The following KIF2A variants were observed in gnomAD, a reference collection of about 807,000 sequenced individuals.
KIF2A encodes the protein kinesin family member 2A, also known as kinesin-like protein KIF2A.
In KIF2A, 22 loss-of-function variants were observed where a neutral mutation model predicts 100.2. The observed-to-expected ratio is 0.22, with a 90% CI of 0.16 to 0.31. The LOEUF (loss-of-function observed/expected upper bound fraction) is 0.31. KIF2A is among the 10% of genes least tolerant of loss of function. The pLI, the probability that KIF2A is intolerant of heterozygous loss-of-function variation, is 1.00. For missense variants in KIF2A, 495 were observed against 898.7 expected (o/e 0.55, Z 5.74); for synonymous variants, 268 against 285.9 (o/e 0.94, Z 0.63).
At chr5:62,362,417 A>T in intron 11 of KIF2A, 33 bp from the exon 12 acceptor site, 1 of 1,039,404 alleles carries the variant, frequency 9.6e-7, no homozygotes, top group Non-Finnish European at 1.3e-6. Flanking sequence ...TATTTGTTGG[A>T]TCTCAATTTT....
At chr5:62,364,012 T>C (rs1740934861) in intron 14 of KIF2A, 113 bp downstream of exon 14, 1 of 789,166 alleles carries the variant, frequency 1.3e-6, no homozygotes, top group Admixed American at 2.8e-5. Context: ...GTTTTCAAAA[T>C]TCAGATGCTT....
intron 1 of KIF2A, among the ~76,000 whole-genome samples, chr5:62,315,552 A>G (rs574733316): frequency 6.6e-6 from 1 of 152,362 alleles, no homozygotes; most frequent in South Asian, 2.1e-4. Context: ...CATTCTAGCC[A>G]TGTAGGCAGC....
intron 3 of KIF2A, among the ~76,000 whole-genome samples, chr5:62,348,870 G>A (rs989719948): frequency 2.0e-5 from 3 of 152,038 alleles, no homozygotes; most frequent in African/African-American, 7.2e-5. Context: ...TTTTTACATT[G>A]TGCCAAATAC....
intron 1 of KIF2A, among the ~76,000 whole-genome samples, chr5:62,314,526 G>A (rs1745710537): frequency 6.6e-6 from 1 of 152,126 alleles, no homozygotes; most frequent in Non-Finnish European, 1.5e-5. Context: ...GCAGCTACTG[G>A]TGGTTATGTG....
chr5:62,362,535 TG>T lies in KIF2A; in HGVS notation c.1115del (p.Gly372GlufsTer7). The T allele has an allele frequency of 7.1e-7, 1 of 1,402,014 alleles. No individual in the cohort carries two copies. Among genetic ancestry groups the T allele is most frequent in the South Asian group, 1.7e-5 (1 of 58,804 alleles). 86.8% of individuals were successfully genotyped at this position (1,402,014 alleles called of 1,614,324 possible). Reference sequence around the variant, plus strand: ...ATGCAACCTTCTTTGAAATTTATAGTGGAAAGGTAAGTGGGAACTTTTTTAA... The same window carrying T: ...ATGCAACCTTCTTTGAAATTTATAGTGAAAGGTAAGTGGGAACTTTTTTAA... Reference protein sequence around the residue: ...VYATFFEIYSGKVFDLLNRKT... With the variant: ...VYATFFEIYSXKVFDLLNRKT... On this transcript the variant is annotated frameshift_variant, in exon 12 of 21. Coordinates refer to ENST00000407818, the MANE Select transcript of KIF2A (RefSeq NM_001098511.3). LOFTEE classifies it high-confidence loss of function.
At position 62,381,148 on chromosome 5, in the gene KIF2A, G is replaced by C; in HGVS notation, c.2044G>C (p.Ala682Pro). The change falls in exon 20 of 21, where the codon GCC becomes CCC. Residue 682 changes from alanine to proline, a missense_variant. Coordinates refer to ENST00000407818, the MANE Select transcript of KIF2A (RefSeq NM_001098511.3). ...TATTCGGTGGTTAGAAGATGAAAAGGCCCTCTTAGAGATGACTGAAGAAGT... is the reference window on the plus strand; with the variant it reads ...TATTCGGTGGTTAGAAGATGAAAAGCCCCTCTTAGAGATGACTGAAGAAGT... ...ESIRWLEDEK[A>P]LLEMTEEVDY... is the part of the protein sequence containing the mutation. The C allele has an allele frequency of 1.2e-6, 2 of 1,610,738 alleles. No homozygotes were observed. Among genetic ancestry groups the C allele is most frequent in the Non-Finnish European group, 8.5e-7 (1 of 1,177,260 alleles).
At position 62,361,314 on chromosome 5, in the gene KIF2A, T is replaced by C. The variant is rs1748393193; in HGVS notation, c.945T>C (p.Thr315=). 6.2e-7 allele frequency: 1 copy of C among 1,606,194 alleles called. No homozygotes were observed. Among genetic ancestry groups the C allele is most frequent in the African/African-American group, 1.3e-5 (1 of 74,822 alleles). ...CTACATGCTTTGCTTATGGGCAGAC[T>C]GGAAGTGGAAAAACTCATGTAAGTA... ...GMATCFAYGQ[T]GSGKTHTMGG... is the part of the protein sequence containing the mutation. The change falls in exon 10 of 21, where the codon ACT becomes ACC. Residue 315 remains threonine, a synonymous_variant. Coordinates refer to ENST00000407818, the MANE Select transcript of KIF2A (RefSeq NM_001098511.3).
At chr5:62,332,551 A>G (rs1746708269) in intron 1 of KIF2A, among the ~76,000 whole-genome samples, 1 of 152,100 alleles carries the variant, frequency 6.6e-6, no homozygotes, top group African/African-American at 2.4e-5. Context: ...TTATATTTAT[A>G]TTTGATTTAG....
Position 62,363,647 on chromosome 5 carries a change from G to T in KIF2A, c.1263-48G>T, listed in dbSNP as rs948828186. 2.0e-6 allele frequency: 3 copies of T among 1,491,156 alleles called. No individual in the cohort carries two copies. The African/African-American group carries it at 4.2e-5, about 21-fold the overall frequency. The allele number at this position is 1,491,156 out of a possible 1,614,324, so 92.4% of individuals were successfully genotyped here. A position where few individuals can be genotyped will look rare whatever the true frequency, so the allele number is the denominator to read the frequency against. On this transcript the variant is annotated intron_variant, in intron 13 of 20. Coordinates refer to ENST00000407818, the MANE Select transcript of KIF2A (RefSeq NM_001098511.3). ...AATGAAAATAATGTGGTTTGAACAT[G>T]TAAATTGAAGTTTTTAATGTATCAA...
Position 62,306,278 on chromosome 5 carries a change from C to G in KIF2A, c.-195C>G. The G allele has an allele frequency of 1.8e-6, 1 of 544,460 alleles. No individual in the cohort carries two copies. The highest frequency in any genetic ancestry group is 2.3e-5 in the South Asian group (1 of 42,788). 33.7% of individuals were successfully genotyped at this position (544,460 alleles called of 1,614,324 possible). On this transcript the variant is annotated 5_prime_UTR_variant, in exon 1 of 21. Coordinates refer to ENST00000407818, the MANE Select transcript of KIF2A (RefSeq NM_001098511.3). ...CTACCCGGCGTGCGCGTCCTCCTGC[C>G]GGCCTGCAGGCCCGGGGCCTCCGCC...
At chr5:62,354,621 G>A in intron 6 of KIF2A, among the ~76,000 whole-genome samples, 1 of 151,978 alleles carries the variant, frequency 6.6e-6, no homozygotes, top group Non-Finnish European at 1.5e-5. Context: ...TAAGTTCTAT[G>A]TTCTGTTGAT....
At chr5:62,317,051 C>T (rs868419447) in intron 1 of KIF2A, among the ~76,000 whole-genome samples, 2 of 149,864 alleles carry the variant, frequency 1.3e-5, no homozygotes, top group African/African-American at 4.9e-5. Context: ...CAACTTTAGC[C>T]CTTTTTTTTT....
intron 16 of KIF2A, among the ~76,000 whole-genome samples, chr5:62,370,220 T>C (rs1379372400): frequency 1.3e-5 from 2 of 152,200 alleles, no homozygotes; most frequent in Non-Finnish European, 2.9e-5. Flanking sequence ...GGATAGTTTG[T>C]AACAGTACAC....
chr5:62,353,509 G>C, intron 6 of KIF2A, 134 bp downstream of exon 6: 1 of 475,654 alleles, frequency 2.1e-6, no homozygotes, highest in Non-Finnish European at 3.8e-6. Context: ...AATTGATATT[G>C]AGGAATAATA....
intron 1 of KIF2A, among the ~76,000 whole-genome samples, chr5:62,317,880 A>G (rs577035426): frequency 1.2e-4 from 18 of 152,258 alleles, no homozygotes; most frequent in East Asian, 3.9e-4. Context: ...AAGACATTCT[A>G]GTTTTCTCCA....
chr5:62,315,976 A>T (rs1032672025), intron 1 of KIF2A, among the ~76,000 whole-genome samples: 2 of 152,222 alleles, frequency 1.3e-5, no homozygotes, highest in African/African-American at 2.4e-5. Context: ...AAAGGACTTA[A>T]CATTTGCAAA....
At chr5:62,306,800 C>T (rs897396888) in intron 1 of KIF2A, 41 of 458,942 alleles carry the variant, frequency 8.9e-5, no homozygotes, top group African/African-American at 5.6e-4. Context: ...GTCGCGTCTC[C>T]GGGGGTCTCT....
At chr5:62,312,750 A>G (rs543391891) in intron 1 of KIF2A, among the ~76,000 whole-genome samples, 3 of 152,346 alleles carry the variant, frequency 2.0e-5, no homozygotes, top group South Asian at 4.1e-4. Context: ...TCCCAAGAGT[A>G]ATATGAGTGA....
chr5:62,352,860 T>G (rs1747923087), intron 5 of KIF2A, 150 bp downstream of exon 5: 1 of 607,320 alleles, frequency 1.6e-6, no homozygotes, highest in East Asian at 3.4e-5. Flanking sequence ...TAACTTCTTC[T>G]TATTAGTCTG....
Sources: allele counts gnomAD v4.1 joint callset (sites outside exome capture counted in the v4.1 genomes callset), GRCh38; gene constraint gnomAD v4.1.1; transcripts MANE v1.5; gene names NCBI Gene and HGNC (gene_info 2026-07-23, HGNC 2026-07-21).